SCML4: variants seen among roughly 807,000 people sequenced by gnomAD.
SCML4 encodes the protein sex comb on midleg-like protein 4.
In SCML4, 34 loss-of-function variants were observed where a neutral mutation model predicts 41.1. The observed-to-expected ratio is 0.83, with a 90% CI of 0.63 to 1.10. SCML4 has a LOEUF of 1.10. Ranked by LOEUF, SCML4 falls within the 50% of genes least tolerant of loss-of-function variation. The pLI is 0.00. For synonymous variants in SCML4, 214 were observed against 220.9 expected, an observed-to-expected ratio of 0.97 and a Z score of 0.28; for missense variants, 522 against 534.1, an observed-to-expected ratio of 0.98 and a Z score of 0.22.
intron 1 of SCML4, among the ~76,000 whole-genome samples, chr6:107,792,613 T>C (rs754819193): frequency 1.3e-5 from 2 of 151,854 alleles, no homozygotes; most frequent in South Asian, 2.1e-4. Flanking sequence ...ATGCCTGTAG[T>C]CCCAGCTATT....
intron 1 of SCML4, among the ~76,000 whole-genome samples, chr6:107,804,800 G>C (rs1783599017): frequency 1.3e-5 from 2 of 152,118 alleles, no homozygotes; most frequent in African/African-American, 4.8e-5. Flanking sequence ...AACATAGTGA[G>C]ACTCTACAAA....
chr6:107,772,485 C>T, intron 1 of SCML4, 99 bp from the exon 2 acceptor site: 2 of 632,682 alleles, frequency 3.2e-6, no homozygotes, highest in Non-Finnish European at 5.2e-6. Context: ...GCGATACCTA[C>T]CACTTATTGG....
chr6:107,801,128 C>T (rs915903221), intron 1 of SCML4, among the ~76,000 whole-genome samples: 2 of 152,206 alleles, frequency 1.3e-5, no homozygotes, highest in African/African-American at 2.4e-5. Flanking sequence ...TTTATGTCTT[C>T]TGACTGAACC....
At chr6:107,830,910 C>T in the SCML4 span, among the ~76,000 whole-genome samples, 2 of 152,108 alleles carry the variant, frequency 1.3e-5, no homozygotes, top group African/African-American at 4.8e-5. Context: ...CTCTTTCCCA[C>T]CTACAATATT....
intron 1 of SCML4, among the ~76,000 whole-genome samples, chr6:107,799,670 C>T (rs1782960030): frequency 6.6e-6 from 1 of 151,762 alleles, no homozygotes; most frequent in Non-Finnish European, 1.5e-5. Context: ...TTTATAATTT[C>T]TTTTCATCTC....
At chr6:107,717,349 A>T (rs771444790) in intron 6 of SCML4, among the ~76,000 whole-genome samples, 4 of 151,362 alleles carry the variant, frequency 2.6e-5, no homozygotes, top group Non-Finnish European at 4.4e-5. Flanking sequence ...CCTACAAAGG[A>T]TGAATAATTT....
intron 2 of SCML4, among the ~76,000 whole-genome samples, chr6:107,752,435 G>A (rs1202662697): frequency 6.6e-6 from 1 of 152,054 alleles, no homozygotes; most frequent in African/African-American, 2.4e-5. Flanking sequence ...AATAATGGAA[G>A]ATATCATCAG....
At chr6:107,800,179 T>G (rs923592731) in intron 1 of SCML4, among the ~76,000 whole-genome samples, 3 of 152,212 alleles carry the variant, frequency 2.0e-5, no homozygotes, top group Non-Finnish European at 4.4e-5. Context: ...TTGTCTATAT[T>G]TTTCTTGACC....
chr6:107,723,826 C>T (rs905820635), intron 5 of SCML4, among the ~76,000 whole-genome samples: 1 of 152,108 alleles, frequency 6.6e-6, no homozygotes, highest in Non-Finnish European at 1.5e-5. Context: ...GCCAGGATTA[C>T]CCTCATACCA....
chr6:107,743,435 A>C (rs911083145), intron 5 of SCML4, among the ~76,000 whole-genome samples: 1 of 152,254 alleles, frequency 6.6e-6, no homozygotes, highest in Non-Finnish European at 1.5e-5. Flanking sequence ...ACAATGAGGC[A>C]AGCATCTGAG....
At chr6:107,769,148 G>A (rs947665054) in intron 2 of SCML4, among the ~76,000 whole-genome samples, 6 of 152,170 alleles carry the variant, frequency 3.9e-5, no homozygotes, top group East Asian at 1.9e-4. Flanking sequence ...AACATACGAC[G>A]TTCAGAGGTT....
At chr6:107,764,889 C>T (rs1779909183) in intron 2 of SCML4, among the ~76,000 whole-genome samples, 1 of 152,154 alleles carries the variant, frequency 6.6e-6, no homozygotes, top group African/African-American at 2.4e-5. Flanking sequence ...GCTTGACTCT[C>T]GTTCTCTCTT....
chr6:107,843,368 T>C, the SCML4 span, among the ~76,000 whole-genome samples: 4 of 152,144 alleles, frequency 2.6e-5, no homozygotes, highest in African/African-American at 7.2e-5. Flanking sequence ...TCAGAAACAT[T>C]GTTCCACTGC....
At chr6:107,727,133 A>C (rs1013687074) in intron 5 of SCML4, among the ~76,000 whole-genome samples, 4 of 152,246 alleles carry the variant, frequency 2.6e-5, no homozygotes, top group Non-Finnish European at 5.9e-5. Context: ...ACATTATGCA[A>C]AGTAAAAGAA....
intron 1 of SCML4, among the ~76,000 whole-genome samples, chr6:107,786,602 A>G (rs977853527): frequency 2.0e-5 from 3 of 152,178 alleles, no homozygotes; most frequent in African/African-American, 7.2e-5. Flanking sequence ...GTCTTCTTCC[A>G]TCTATCCCCA....
At chr6:107,800,950 A>G (rs78192821) in intron 1 of SCML4, among the ~76,000 whole-genome samples, 3,909 of 152,360 alleles carry the variant, frequency 0.026, 166 homozygotes, top group African/African-American at 0.088. Context: ...TGCCCTGTCC[A>G]TTGACAAGAG....
upstream of SCML4, among the ~76,000 whole-genome samples, chr6:107,826,648 A>G (rs1446483459): frequency 6.6e-6 from 1 of 152,112 alleles, no homozygotes. Flanking sequence ...CTCAGGCCCA[A>G]CCTCCTTGCC....
intron 1 of SCML4, among the ~76,000 whole-genome samples, chr6:107,794,017 C>G (rs1368752976): frequency 6.6e-6 from 1 of 152,220 alleles, no homozygotes; most frequent in African/African-American, 2.4e-5. Context: ...AGAAAAATAT[C>G]TTCTTCATCC....
intron 5 of SCML4, among the ~76,000 whole-genome samples, chr6:107,727,496 G>A (rs1047550159): frequency 3.9e-5 from 6 of 152,136 alleles, no homozygotes; most frequent in Non-Finnish European, 5.9e-5. Context: ...CAAGAATTAC[G>A]TGCAGTCAAG....
Sources: allele counts gnomAD v4.1 joint callset (sites outside exome capture counted in the v4.1 genomes callset), GRCh38; gene constraint gnomAD v4.1.1; transcripts MANE v1.5; gene names NCBI Gene and HGNC (gene_info 2026-07-23, HGNC 2026-07-21).